The following GAB2 variants were observed in gnomAD, a reference collection of about 807,000 sequenced individuals.
GAB2 encodes the protein GRB2-associated-binding protein 2.
In GAB2, 26 loss-of-function variants were observed where a neutral mutation model predicts 65.5. The ratio of observed to expected loss-of-function variants is 0.40; its 90% CI spans 0.29 to 0.55. The LOEUF is 0.55. Ranked by LOEUF, GAB2 falls within the 20% of genes least tolerant of loss-of-function variation. The pLI, the probability that GAB2 is intolerant of heterozygous loss-of-function variation, is 0.53. For missense variants in GAB2, 884 were observed against 875.8 expected (o/e 1.01, Z -0.12); for synonymous variants, 321 against 329.6 (o/e 0.97, Z 0.28).
At chr11:78,336,599 T>C (rs1409370962) in intron 1 of GAB2, among the ~76,000 whole-genome samples, 1 of 151,716 alleles carries the variant, frequency 6.6e-6, no homozygotes, top group African/African-American at 2.4e-5. Flanking sequence ...CTTAAATCTC[T>C]AAAACCTTGG....
intron 1 of GAB2, among the ~76,000 whole-genome samples, chr11:78,367,893 T>A (rs1337256312): frequency 1.4e-5 from 2 of 146,892 alleles, no homozygotes; most frequent in Admixed American, 7.0e-5. Flanking sequence ...CTCTGCTCAC[T>A]GCAAGCTCCG....
chr11:78,237,863 T>C (rs1865022585), intron 3 of GAB2, among the ~76,000 whole-genome samples: 1 of 152,152 alleles, frequency 6.6e-6, no homozygotes, highest in Non-Finnish European at 1.5e-5. Flanking sequence ...AGGAAAGAGA[T>C]CATGTCCTTT....
intron 1 of GAB2, among the ~76,000 whole-genome samples, chr11:78,391,443 A>G (rs1343744095): frequency 1.3e-5 from 2 of 152,220 alleles, no homozygotes; most frequent in Non-Finnish European, 2.9e-5. Flanking sequence ...CCAAAGTAAC[A>G]CTATGTGACT....
intron 1 of GAB2, among the ~76,000 whole-genome samples, chr11:78,376,992 G>A (rs1288483612): frequency 6.6e-6 from 1 of 152,068 alleles, no homozygotes; most frequent in African/African-American, 2.4e-5. Flanking sequence ...CTGCCACCCC[G>A]ACTCTCTCAA....
chr11:78,404,104 G>A (rs1857008911), intron 1 of GAB2, among the ~76,000 whole-genome samples: 1 of 152,130 alleles, frequency 6.6e-6, no homozygotes, highest in South Asian at 2.1e-4. Flanking sequence ...CCCACTGCTG[G>A]CTATATATCC....
At chr11:78,276,990 T>C (rs1003366265) in intron 2 of GAB2, among the ~76,000 whole-genome samples, 1 of 152,122 alleles carries the variant, frequency 6.6e-6, no homozygotes, top group African/African-American at 2.4e-5. Context: ...GCTATTTTTC[T>C]GTATTTTTAG....
rs1297921087 is a variant in GAB2 at position 78,316,430 on chromosome 11, T to C, written c.76-35529A>G. Among the ~76,000 whole-genome samples the C allele has an allele frequency of 5.3e-5, 8 of 152,070 alleles. No individual in the cohort carries two copies. The East Asian group carries it at 9.6e-4, about 18-fold the overall frequency. ...ATAAGGGGTTAATAACTAGAATATATAAAGAACTACAATAACAACAAAAAC... is the reference window on the plus strand; with the variant it reads ...ATAAGGGGTTAATAACTAGAATATACAAAGAACTACAATAACAACAAAAAC... On this transcript the variant is annotated intron_variant, in intron 1 of 9. Transcript: ENST00000361507.
chr11:78,379,850 A>C (rs988520137), intron 1 of GAB2, among the ~76,000 whole-genome samples: 1 of 152,240 alleles, frequency 6.6e-6, no homozygotes, highest in Non-Finnish European at 1.5e-5. Flanking sequence ...TAAGACCAAG[A>C]AAGTGCCAAA....
At chr11:78,318,717 C>G (rs373305429) in intron 1 of GAB2, among the ~76,000 whole-genome samples, 19 of 152,232 alleles carry the variant, frequency 1.2e-4, no homozygotes, top group African/African-American at 3.4e-4. Flanking sequence ...CGGTTTCTGA[C>G]GAATTCTGAA....
chr11:78,405,090 GAT>G lies in GAB2; in HGVS notation c.75+12554_75+12555del, dbSNP rs1491550802. On this transcript the variant is annotated intron_variant, in intron 1 of 9. Coordinates refer to ENST00000361507, the MANE Select transcript of GAB2 (RefSeq NM_080491.3). ...CCACAGAATGTGGGGAAAAAACATG[GAT>G]TTTTTTTTTTTTTTTTTTTTTTTTG... Among the ~76,000 whole-genome samples the G allele has an allele frequency of 5.6e-3, 788 of 140,698 alleles. 8 individuals are homozygous for G. Among genetic ancestry groups the G allele is most frequent in the African/African-American group, 0.02 (761 of 37,824 alleles). The allele number at this position is 140,698 out of a possible 152,430, so 92.3% of individuals were successfully genotyped here. A position where few individuals can be genotyped will look rare whatever the true frequency, so the allele number is the denominator to read the frequency against.
chr11:78,323,890 C>T (rs149161495), intron 1 of GAB2, among the ~76,000 whole-genome samples: 59 of 150,622 alleles, frequency 3.9e-4, no homozygotes, highest in Non-Finnish European at 3.4e-4. Flanking sequence ...CTCCGCCTCC[C>T]GGGTTCAAGC....
chr11:78,311,526 G>T (rs948617743), intron 1 of GAB2, among the ~76,000 whole-genome samples: 1 of 152,082 alleles, frequency 6.6e-6, no homozygotes, highest in Non-Finnish European at 1.5e-5. Context: ...TTTGAACTGG[G>T]CTTCAAACAT....
chr11:78,323,192 T>C (rs1855758999), intron 1 of GAB2, among the ~76,000 whole-genome samples: 1 of 152,142 alleles, frequency 6.6e-6, no homozygotes, highest in African/African-American at 2.4e-5. Flanking sequence ...CTGGAGGTCA[T>C]TATTCTAAGT....
In GAB2 at chr11:78,222,087, C is replaced by A; in HGVS notation, c.1658+18G>T. 9 of 1,546,922 alleles carry A rather than the reference C, an allele frequency of 5.8e-6. No homozygotes were observed. Among genetic ancestry groups the A allele is most frequent in the Non-Finnish European group, 8.0e-6 (9 of 1,118,660 alleles). ...ATGGCCCGACTCCAAGCTCCCACCC[C>A]CACACATACGCACTTACTTGGCCCT... is the stretch of plus-strand genomic sequence containing the variant. On this transcript the variant is annotated intron_variant, in intron 7 of 9. Coordinates refer to ENST00000361507, the MANE Select transcript of GAB2 (RefSeq NM_080491.3).
At chr11:78,415,163 C>T (rs777321496) in intron 1 of GAB2, among the ~76,000 whole-genome samples, 6 of 152,232 alleles carry the variant, frequency 3.9e-5, no homozygotes, top group Non-Finnish European at 7.3e-5. Flanking sequence ...TAAGCCACTG[C>T]GCCCAGACTT....
chr11:78,324,360 C>T (rs1297497518), intron 1 of GAB2, among the ~76,000 whole-genome samples: 2 of 152,140 alleles, frequency 1.3e-5, no homozygotes, highest in African/African-American at 4.8e-5. Flanking sequence ...ATTCAGGAGA[C>T]TTACACAGGG....
chr11:78,240,884 C>T (rs1345242572), intron 3 of GAB2, among the ~76,000 whole-genome samples: 1 of 152,208 alleles, frequency 6.6e-6, no homozygotes, highest in Non-Finnish European at 1.5e-5. Flanking sequence ...TCCAACCATG[C>T]TACGGAGAGT....
chr11:78,417,636 C>T lies in GAB2; in HGVS notation c.75+10G>A. ...CCCGCCCGCCCCTGGGCGGCCGCGC[C>T]CGCACTCACATAGCGCCTCAACTTC... On this transcript the variant is annotated intron_variant, in intron 1 of 9. Transcript: ENST00000361507. The T allele has an allele frequency of 1.5e-6, 2 of 1,357,142 alleles. No individual in the cohort carries two copies. The allele number at this position is 1,357,142 out of a possible 1,614,324, so 84.1% of individuals were successfully genotyped here. A position where few individuals can be genotyped will look rare whatever the true frequency, so the allele number is the denominator to read the frequency against.
intron 2 of GAB2, among the ~76,000 whole-genome samples, chr11:78,258,075 A>G (rs1214405129): frequency 6.6e-6 from 1 of 152,168 alleles, no homozygotes; most frequent in East Asian, 1.9e-4. Flanking sequence ...TGGGCATACC[A>G]TTTCATCTTC....
Sources: gnomAD v4.1 joint callset for allele counts (sites outside exome capture counted in the v4.1 genomes callset) on GRCh38, gnomAD v4.1.1 for gene constraint, MANE v1.5 for transcripts, NCBI Gene and HGNC (gene_info 2026-07-23, HGNC 2026-07-21) for gene names.